The following CNPY1 variants were observed in gnomAD, a reference collection of about 807,000 sequenced individuals.
CNPY1 encodes the protein canopy FGF signaling regulator 1, also known as protein canopy homolog 1.
Under a neutral mutation model 14.4 loss-of-function variants are expected in CNPY1, and 14 were observed. The observed-to-expected ratio is 0.97, with a 90% CI of 0.64 to 1.52. The LOEUF (loss-of-function observed/expected upper bound fraction) is 1.52. Among genes scored for constraint, CNPY1 ranks in the 40% most tolerant of loss-of-function variants. The pLI, the probability that CNPY1 is intolerant of heterozygous loss-of-function variation, is 0.00. For synonymous variants in CNPY1, 43 were observed against 46.5 expected (o/e 0.92, Z 0.31); for missense variants, 129 against 131.5 (o/e 0.98, Z 0.09).
Position 155,539,234 on chromosome 7 carries a change from T to C in CNPY1, c.99+6597A>G, listed in dbSNP as rs151282675. Among the ~76,000 whole-genome samples the C allele has an allele frequency of 1.2e-4, 19 of 152,354 alleles. No individual in the cohort carries two copies. The East Asian group carries it at 3.7e-3, about 29-fold the overall frequency. On this transcript the variant is annotated intron_variant, in intron 2 of 4. Transcript: ENST00000636446. ...ATAATCTTCCTAAATCAAATATCTTTAGGCTACCGTATCATGCTGAGGACA... is the reference window on the plus strand; with the variant it reads ...ATAATCTTCCTAAATCAAATATCTTCAGGCTACCGTATCATGCTGAGGACA...
intron 4 of CNPY1, among the ~76,000 whole-genome samples, chr7:155,503,866 A>T (rs1796204682): frequency 6.6e-6 from 1 of 152,234 alleles, no homozygotes; most frequent in Admixed American, 6.5e-5. Context: ...TTTAACAAAT[A>T]CTTCCATGAG....
At chr7:155,539,613 T>C (rs1248614244) in intron 2 of CNPY1, among the ~76,000 whole-genome samples, 2 of 152,124 alleles carry the variant, frequency 1.3e-5, no homozygotes, top group African/African-American at 4.8e-5. Context: ...CTGTCAATAG[T>C]GTGGGAGCAG....
chr7:155,513,264 G>GA (rs1015284897), intron 2 of CNPY1, among the ~76,000 whole-genome samples: 9 of 152,078 alleles, frequency 5.9e-5, no homozygotes, highest in African/African-American at 2.2e-4. Flanking sequence ...CTGTATATCA[G>GA]AAAAAAATGA....
At chr7:155,509,601 T>C (rs1191015370) in intron 2 of CNPY1, among the ~76,000 whole-genome samples, 4 of 152,096 alleles carry the variant, frequency 2.6e-5, no homozygotes, top group African/African-American at 9.7e-5. Context: ...CGGGGAGAAG[T>C]TGGGGAGGCC....
intron 4 of CNPY1, among the ~76,000 whole-genome samples, chr7:155,504,689 AACACACACACACACACAC>A (rs61377945): frequency 1.4e-5 from 2 of 145,198 alleles, no homozygotes; most frequent in Admixed American, 6.8e-5. Context: ...CATACCCCCC[AACACACACACACACACAC>A]ACACACACAC....
intron 2 of CNPY1, among the ~76,000 whole-genome samples, chr7:155,542,510 G>A (rs898833679): frequency 2.6e-5 from 4 of 152,184 alleles, no homozygotes; most frequent in African/African-American, 7.2e-5. Flanking sequence ...TGGGCCTCAC[G>A]TGGAAAGAGC....
chr7:155,529,736 G>A (rs1215757832), intron 2 of CNPY1, among the ~76,000 whole-genome samples: 1 of 151,136 alleles, frequency 6.6e-6, no homozygotes, highest in Non-Finnish European at 1.5e-5. Context: ...CATCTACAAA[G>A]GTTCTATTTA....
intron 2 of CNPY1, among the ~76,000 whole-genome samples, chr7:155,537,336 C>T (rs1379153077): frequency 5.3e-5 from 8 of 152,082 alleles, no homozygotes; most frequent in African/African-American, 1.9e-4. Context: ...CCTGAGGCTG[C>T]TCCAGGGCCA....
intron 2 of CNPY1, among the ~76,000 whole-genome samples, chr7:155,534,333 GCACAGAGGCACACATGCACACACGTGCA>G (rs1796995807): frequency 1.3e-5 from 1 of 78,912 alleles, no homozygotes; most frequent in South Asian, 4.7e-4. Context: ...ACACACACGT[GCACAGAGGCACACATGCACACACGTGCA>G]CACAGGCACA....
At chr7:155,544,212 C>T (rs1238384179) in intron 2 of CNPY1, among the ~76,000 whole-genome samples, 1 of 152,210 alleles carries the variant, frequency 6.6e-6, no homozygotes, top group Non-Finnish European at 1.5e-5. Context: ...GAGCTGCGGC[C>T]ACTTGGCCTG....
intron 2 of CNPY1, among the ~76,000 whole-genome samples, chr7:155,519,107 G>A (rs1022934456): frequency 4.6e-5 from 7 of 152,192 alleles, no homozygotes; most frequent in African/African-American, 7.2e-5. Context: ...GGTCATCAGC[G>A]AACACCTGGA....
intron 2 of CNPY1, among the ~76,000 whole-genome samples, chr7:155,518,867 T>C (rs921846352): frequency 3.3e-5 from 5 of 152,188 alleles, no homozygotes; most frequent in African/African-American, 1.2e-4. Context: ...CGCAGGCACA[T>C]GCCAGCCAGA....
At chr7:155,507,138 A>C (rs1034227914) in intron 3 of CNPY1, 22 bp from the exon 4 acceptor site, 7 of 1,434,550 alleles carry the variant, frequency 4.9e-6, no homozygotes, top group African/African-American at 4.2e-5. Flanking sequence ...TAATAACAAC[A>C]TATGTGGATA....
chr7:155,537,045 C>G (rs573353562), intron 2 of CNPY1, among the ~76,000 whole-genome samples: 57 of 152,350 alleles, frequency 3.7e-4, no homozygotes, highest in African/African-American at 1.3e-3. Flanking sequence ...ATGCTTCTTG[C>G]TCTTCTTTGA....
intron 2 of CNPY1, among the ~76,000 whole-genome samples, chr7:155,514,926 T>A (rs746468488): frequency 5.1e-4 from 78 of 151,528 alleles, no homozygotes; most frequent in Non-Finnish European, 1.0e-3. Context: ...TAAAATAAAA[T>A]AAAAAATGTT....
intron 2 of CNPY1, among the ~76,000 whole-genome samples, chr7:155,529,013 A>G (rs1796886581): frequency 6.6e-6 from 1 of 151,696 alleles, no homozygotes; most frequent in South Asian, 2.1e-4. Flanking sequence ...GTGAGCAGAG[A>G]TCGCGCCACT....
At chr7:155,530,130 T>C (rs6979648) in intron 2 of CNPY1, among the ~76,000 whole-genome samples, 11,580 of 151,966 alleles carry the variant, frequency 0.076, 1,362 homozygotes, top group African/African-American at 0.26. Flanking sequence ...CACTGTTCAA[T>C]CCAGTGCACT....
intron 2 of CNPY1, among the ~76,000 whole-genome samples, chr7:155,515,500 G>A (rs1483236665): frequency 1.2e-4 from 19 of 152,130 alleles, no homozygotes. Flanking sequence ...CCACCCTAGG[G>A]ACCCGGGGAC....
chr7:155,506,967 T>TGA, intron 4 of CNPY1, 53 bp downstream of exon 4: 2 of 1,192,446 alleles, frequency 1.7e-6, no homozygotes, highest in Non-Finnish European at 1.2e-6. Context: ...CAAGGCTGAG[T>TGA]GAGAGAGAGA....
Sources: gnomAD v4.1 joint callset for allele counts (sites outside exome capture counted in the v4.1 genomes callset) on GRCh38, gnomAD v4.1.1 for gene constraint, MANE v1.5 for transcripts, NCBI Gene and HGNC (gene_info 2026-07-23, HGNC 2026-07-21) for gene names.